PDE3B: variants seen among roughly 807,000 people sequenced by gnomAD.
The protein encoded by PDE3B is cGMP-inhibited 3',5'-cyclic phosphodiesterase 3B.
PDE3B carries 66 observed loss-of-function variants against 116.8 expected under a neutral mutation model. The ratio of observed to expected loss-of-function variants is 0.56; its 90% CI spans 0.46 to 0.69. PDE3B has a LOEUF of 0.69. Among genes scored for constraint, PDE3B ranks in the 30% least tolerant of loss-of-function variants. PDE3B has a pLI of 0.00. For missense variants in PDE3B, 1,384 were observed against 1,368.1 expected (o/e 1.01, Z -0.18); for synonymous variants, 595 against 533.6 (o/e 1.12, Z -1.59).
Position 14,744,604 on chromosome 11 carries a change from C to T in PDE3B, c.979-27333C>T, listed in dbSNP as rs549508646. ...TTCATCTATATCTCCCATCTCAGTT[C>T]TTTCTCTTAAGATCCCAATGTGCAT... On this transcript the variant is annotated intron_variant, in intron 1 of 15. Transcript: ENST00000282096. Among the ~76,000 whole-genome samples the T allele has an allele frequency of 2.3e-4, 35 of 152,238 alleles. 1 individual carries two copies. The highest frequency in any genetic ancestry group is 8.8e-5 in the Non-Finnish European group (6 of 68,006).
At chr11:14,665,964 C>T (rs780748060) in intron 1 of PDE3B, among the ~76,000 whole-genome samples, 8 of 152,112 alleles carry the variant, frequency 5.3e-5, no homozygotes, top group African/African-American at 7.2e-5. Flanking sequence ...AAAAAGAGCC[C>T]GCATCGCCAA....
intron 5 of PDE3B, among the ~76,000 whole-genome samples, chr11:14,815,473 G>C (rs1453944583): frequency 6.6e-6 from 1 of 152,128 alleles, no homozygotes; most frequent in African/African-American, 2.4e-5. Flanking sequence ...TGATGGCTCT[G>C]GGTTCTTGAT....
intron 1 of PDE3B, among the ~76,000 whole-genome samples, chr11:14,768,442 C>A (rs1857554363): frequency 6.6e-6 from 1 of 151,588 alleles, no homozygotes; most frequent in Non-Finnish European, 1.5e-5. Context: ...ATGTGTATTT[C>A]ATGTTAAATG....
chr11:14,664,656 A>G (rs1255269726), intron 1 of PDE3B, among the ~76,000 whole-genome samples: 7 of 152,210 alleles, frequency 4.6e-5, no homozygotes, highest in Non-Finnish European at 1.0e-4. Flanking sequence ...CAAATAAACT[A>G]GAAAATCTAG....
Position 14,725,265 on chromosome 11 carries a change from TTC to T in PDE3B, c.979-46668_979-46667del, listed in dbSNP as rs929032849. Among the ~76,000 whole-genome samples the T allele has an allele frequency of 5.3e-5, 8 of 151,468 alleles. No individual in the cohort carries two copies. In the East Asian group the frequency reaches 9.7e-4, roughly 18 times the overall value. ...CTTTTTTCTTTCTTTCGTTCTTTCTTTCTCTTTCTTTTTCTTTCTTTCTTTTT... is the reference window on the plus strand; with the variant it reads ...CTTTTTTCTTTCTTTCGTTCTTTCTTTCTTTCTTTTTCTTTCTTTCTTTTT... On this transcript the variant is annotated intron_variant, in intron 1 of 15. Transcript: ENST00000282096.
intron 1 of PDE3B, among the ~76,000 whole-genome samples, chr11:14,726,413 A>G (rs1006630680): frequency 6.6e-6 from 1 of 152,164 alleles, no homozygotes; most frequent in Admixed American, 6.5e-5. Flanking sequence ...TTTTTTAGTG[A>G]ATGAATGAAT....
intron 1 of PDE3B, 102 bp downstream of exon 1, chr11:14,645,155 G>A: frequency 4.6e-6 from 1 of 218,460 alleles, no homozygotes; most frequent in South Asian, 5.9e-5. Flanking sequence ...TTAACTTTCA[G>A]AATGGAAAAA....
chr11:14,848,842 A>T (rs1353247157), intron 12 of PDE3B, among the ~76,000 whole-genome samples: 1 of 152,210 alleles, frequency 6.6e-6, no homozygotes, highest in Non-Finnish European at 1.5e-5. Context: ...ATAAAAGAGG[A>T]TACAAACAAA....
At position 14,644,036 on chromosome 11, in the gene PDE3B, C is replaced by A. The variant is rs773416344; in HGVS notation, c.-40C>A. The A allele has an allele frequency of 5.6e-6, 8 of 1,420,612 alleles. No homozygotes were observed. The highest frequency in any genetic ancestry group is 7.3e-6 in the Non-Finnish European group (8 of 1,097,904). The allele number at this position is 1,420,612 out of a possible 1,614,324, so 88.0% of individuals were successfully genotyped here. ...GCGCGAGCGGCCGCTACGGTACGAG[C>A]GGGGTGTGCTGAGTCCCGTGGCCAC... On this transcript the variant is annotated 5_prime_UTR_variant, in exon 1 of 16. Transcript: ENST00000282096.
At chr11:14,790,350 G>T (rs1321276173) in intron 4 of PDE3B, among the ~76,000 whole-genome samples, 2 of 148,660 alleles carry the variant, frequency 1.3e-5, no homozygotes, top group South Asian at 2.1e-4. Flanking sequence ...TTTTTGTAAA[G>T]GAAGCAGGAT....
chr11:14,874,765 T>C (rs1021861984), downstream of PDE3B, among the ~76,000 whole-genome samples: 1 of 152,184 alleles, frequency 6.6e-6, no homozygotes, highest in Non-Finnish European at 1.5e-5. Flanking sequence ...GTTAGATGCA[T>C]TATTTTTATC....
chr11:14,769,065 G>A (rs559241556), intron 1 of PDE3B, among the ~76,000 whole-genome samples: 1 of 151,342 alleles, frequency 6.6e-6, no homozygotes, highest in South Asian at 2.1e-4. Flanking sequence ...GCTGCTTTAG[G>A]GTAACATAGT....
At chr11:14,889,803 G>A in the PDE3B span, among the ~76,000 whole-genome samples, 69 of 152,216 alleles carry the variant, frequency 4.5e-4, no homozygotes, top group African/African-American at 1.7e-3. Context: ...TTTCAAATTT[G>A]GAGGTCGAAC....
chr11:14,675,879 T>C (rs1854517545), intron 1 of PDE3B, among the ~76,000 whole-genome samples: 1 of 152,174 alleles, frequency 6.6e-6, no homozygotes, highest in Admixed American at 6.5e-5. Context: ...TGGAGACATG[T>C]ATTCATTTCT....
chr11:14,658,373 T>G (rs1417694393), intron 1 of PDE3B, among the ~76,000 whole-genome samples: 1 of 152,160 alleles, frequency 6.6e-6, no homozygotes, highest in Non-Finnish European at 1.5e-5. Flanking sequence ...CTTTTTTTTT[T>G]GAGATGGAGT....
chr11:14,675,618 G>A (rs1854510470), intron 1 of PDE3B, among the ~76,000 whole-genome samples: 1 of 152,002 alleles, frequency 6.6e-6, no homozygotes, highest in Non-Finnish European at 1.5e-5. Context: ...TATACAGTAT[G>A]CATTCTTTTG....
intron 5 of PDE3B, among the ~76,000 whole-genome samples, chr11:14,814,366 G>A (rs1379234063): frequency 6.6e-6 from 1 of 151,890 alleles, no homozygotes; most frequent in Non-Finnish European, 1.5e-5. Context: ...AATCTAGAAG[G>A]CTCTAAAAAT....
chr11:14,863,074 C>T (rs1422717734), intron 14 of PDE3B, among the ~76,000 whole-genome samples: 9 of 151,854 alleles, frequency 5.9e-5, no homozygotes, highest in Non-Finnish European at 1.3e-4. Flanking sequence ...TGTGATATTC[C>T]CCTCCCTGTG....
chr11:14,844,741 A>G (rs913043659), intron 12 of PDE3B, among the ~76,000 whole-genome samples: 2 of 152,190 alleles, frequency 1.3e-5, no homozygotes, highest in African/African-American at 4.8e-5. Context: ...TTGCTAGCAC[A>G]GCAGTCTGAG....
Sources: gnomAD v4.1 joint callset for allele counts (sites outside exome capture counted in the v4.1 genomes callset) on GRCh38, gnomAD v4.1.1 for gene constraint, MANE v1.5 for transcripts, NCBI Gene and HGNC (gene_info 2026-07-23, HGNC 2026-07-21) for gene names.